EXT1: variants seen among roughly 807,000 people sequenced by gnomAD.
EXT1 encodes the protein exostosin-1.
Under a neutral mutation model 82.5 loss-of-function variants are expected in EXT1, and 20 were observed. That is an observed-to-expected ratio of 0.24 (90% CI 0.17 to 0.35). EXT1 has a LOEUF of 0.35. Among genes scored for constraint, EXT1 ranks in the 10% least tolerant of loss-of-function variants. EXT1 has a pLI of 1.00. For synonymous variants in EXT1, 348 were observed against 350.8 expected (o/e 0.99, Z 0.09); for missense variants, 757 against 936.5 (o/e 0.81, Z 2.50).
chr8:118,099,000 T>C (rs1043022046), intron 1 of EXT1, among the ~76,000 whole-genome samples: 14 of 152,340 alleles, frequency 9.2e-5, no homozygotes, highest in African/African-American at 3.4e-4. Flanking sequence ...AGACCATCAG[T>C]ATATTTTATT....
intron 1 of EXT1, among the ~76,000 whole-genome samples, chr8:117,983,290 C>T (rs1815245457): frequency 6.6e-6 from 1 of 152,054 alleles, no homozygotes; most frequent in African/African-American, 2.4e-5. Context: ...TTGAGACCAG[C>T]CTGGGCAACG....
At chr8:117,856,990 A>G (rs901479364) in intron 1 of EXT1, among the ~76,000 whole-genome samples, 1 of 152,196 alleles carries the variant, frequency 6.6e-6, no homozygotes, top group African/African-American at 2.4e-5. Flanking sequence ...AAAGCTGTAT[A>G]TTTAGCTTTA....
intron 1 of EXT1, among the ~76,000 whole-genome samples, chr8:118,030,207 G>A (rs1563634204): frequency 1.3e-5 from 2 of 151,500 alleles, no homozygotes; most frequent in East Asian, 3.9e-4. Flanking sequence ...TTGTGAGAAG[G>A]GATTACTTCT....
intron 1 of EXT1, among the ~76,000 whole-genome samples, chr8:118,032,010 C>T (rs1816329301): frequency 6.6e-6 from 1 of 151,708 alleles, no homozygotes; most frequent in Admixed American, 6.6e-5. Context: ...ATATAATGTG[C>T]TATCTGAAGT....
chr8:117,961,182 T>C (rs1205590040), intron 1 of EXT1, among the ~76,000 whole-genome samples: 1 of 152,138 alleles, frequency 6.6e-6, no homozygotes, highest in Non-Finnish European at 1.5e-5. Flanking sequence ...TCTCTTTCTT[T>C]TTTTTTAACA....
At chr8:117,801,052 T>C (rs987459646) in intron 10 of EXT1, among the ~76,000 whole-genome samples, 1 of 152,246 alleles carries the variant, frequency 6.6e-6, no homozygotes, top group Non-Finnish European at 1.5e-5. Flanking sequence ...CTCACAGTTT[T>C]AGAAAAATAC....
intron 1 of EXT1, among the ~76,000 whole-genome samples, chr8:118,043,334 C>T (rs1334073716): frequency 6.6e-6 from 1 of 152,174 alleles, no homozygotes; most frequent in Non-Finnish European, 1.5e-5. Flanking sequence ...CTTTATTCAT[C>T]AAAATCCAAA....
At chr8:117,980,405 C>T (rs983899709) in intron 1 of EXT1, among the ~76,000 whole-genome samples, 1 of 152,184 alleles carries the variant, frequency 6.6e-6, no homozygotes, top group Non-Finnish European at 1.5e-5. Flanking sequence ...TTCAAATCAG[C>T]AGGAGCACCC....
At chr8:118,017,247 T>A (rs1323563657) in intron 1 of EXT1, among the ~76,000 whole-genome samples, 1 of 152,202 alleles carries the variant, frequency 6.6e-6, no homozygotes, top group Non-Finnish European at 1.5e-5. Flanking sequence ...CATTATCCTC[T>A]CTTTTTAGGC....
rs1191999198 is a variant in EXT1, at chr8:117,796,430, A to C, written c.*3282T>G. The C allele has an allele frequency of 6.6e-6, 1 of 151,924 alleles. No individual in the cohort carries two copies. Among genetic ancestry groups the C allele is most frequent in the Admixed American group, 6.6e-5 (1 of 15,262 alleles). 9.4% of individuals were successfully genotyped at this position (151,924 alleles called of 1,614,324 possible). On this transcript the variant is annotated 3_prime_UTR_variant, in exon 11 of 11. Transcript: ENST00000378204. ...CATTCATTCATCTCACCCCTGATTA[A>C]AGTTCAGTAACCTTTATGAAAGGCC...
At chr8:117,822,633 A>T (rs1393217333) in intron 4 of EXT1, 36 bp from the exon 5 acceptor site, 1 of 1,608,154 alleles carries the variant, frequency 6.2e-7, no homozygotes, top group Admixed American at 1.7e-5. Flanking sequence ...TGAGGATGAG[A>T]TCCTGATGAT....
chr8:118,034,139 A>G (rs1300361155), intron 1 of EXT1, among the ~76,000 whole-genome samples: 1 of 152,188 alleles, frequency 6.6e-6, no homozygotes, highest in Non-Finnish European at 1.5e-5. Flanking sequence ...TCCTCTTCTA[A>G]ACAGTACATT....
At chr8:118,020,271 C>G (rs550476379) in intron 1 of EXT1, among the ~76,000 whole-genome samples, 5 of 152,280 alleles carry the variant, frequency 3.3e-5, no homozygotes, top group Admixed American at 3.3e-4. Context: ...CACTCTAACA[C>G]TACTAAAGAG....
intron 1 of EXT1, among the ~76,000 whole-genome samples, chr8:117,895,468 C>T (rs562910825): frequency 1.3e-5 from 2 of 152,270 alleles, no homozygotes; most frequent in South Asian, 4.1e-4. Context: ...GCAGAGTCCA[C>T]TCACAGCCAG....
intron 10 of EXT1, among the ~76,000 whole-genome samples, chr8:117,802,916 T>C (rs1823188073): frequency 6.6e-6 from 1 of 152,210 alleles, no homozygotes; most frequent in Non-Finnish European, 1.5e-5. Context: ...TTATAAACTT[T>C]AAATTCTTTA....
intron 1 of EXT1, among the ~76,000 whole-genome samples, chr8:117,848,121 G>A (rs557447769): frequency 1.7e-4 from 26 of 152,248 alleles, no homozygotes; most frequent in African/African-American, 5.8e-4. Flanking sequence ...TACTATGAAC[G>A]CTGCATGAAG....
intron 1 of EXT1, among the ~76,000 whole-genome samples, chr8:117,846,052 A>T (rs1435219432): frequency 1.3e-5 from 2 of 152,198 alleles, no homozygotes; most frequent in Non-Finnish European, 2.9e-5. Flanking sequence ...CGTGCCCATG[A>T]CATTAATCTC....
intron 1 of EXT1, among the ~76,000 whole-genome samples, chr8:117,910,214 A>G (rs1813619524): frequency 6.6e-6 from 1 of 152,194 alleles, no homozygotes; most frequent in Non-Finnish European, 1.5e-5. Context: ...CATCATTTTC[A>G]CAAGCTCCAG....
At position 118,111,435 on chromosome 8, in the gene EXT1, C is replaced by A. The variant is rs1300224490; in HGVS notation, c.-389G>T. The A allele has an allele frequency of 9.5e-6, 5 of 528,146 alleles. No individual in the cohort carries two copies. The highest frequency in any genetic ancestry group is 1.7e-5 in the Non-Finnish European group (5 of 301,604). 32.7% of individuals were successfully genotyped at this position (528,146 alleles called of 1,614,324 possible). On this transcript the variant is annotated 5_prime_UTR_variant, in exon 1 of 11. Coordinates refer to ENST00000378204, the MANE Select transcript of EXT1 (RefSeq NM_000127.3). ...AAGACGAAGTGATTGCCTTGCCTCT[C>A]GGATTCCTCTCGGCAGCGTGGAAAA...
Sources: gnomAD v4.1 joint callset for allele counts (sites outside exome capture counted in the v4.1 genomes callset) on GRCh38, gnomAD v4.1.1 for gene constraint, MANE v1.5 for transcripts, NCBI Gene and HGNC (gene_info 2026-07-23, HGNC 2026-07-21) for gene names.